Variants in TRIOBP observed in about 807,000 individuals in gnomAD.
The protein encoded by TRIOBP is TRIO and F-actin-binding protein.
TRIOBP carries 169 observed loss-of-function variants against 238.8 expected under a neutral mutation model. The observed-to-expected ratio is 0.71, with a 90% CI of 0.62 to 0.80. The LOEUF (loss-of-function observed/expected upper bound fraction) is 0.80, where lower values mean the gene tolerates loss of function less well. Among genes scored for constraint, TRIOBP ranks in the 30% least tolerant of loss-of-function variants. The probability of loss-of-function intolerance (pLI) is 0.00; values close to 1 mark genes in which losing one functional copy is unlikely to be tolerated. For synonymous variants in TRIOBP, 1,150 were observed against 1,274.4 expected (o/e 0.90, Z 2.08); for missense variants, 2,838 against 3,122.6 (o/e 0.91, Z 2.17).
At position 37,741,044 on chromosome 22, in the gene TRIOBP, C is replaced by A; in HGVS notation, c.5322+12C>A. On this transcript the variant is annotated intron_variant, in intron 11 of 23. Transcript: ENST00000644935. ...TCAGGTGGCGAAGGGTAGGCTGGCTCCAGTGGGGACTGGAGGGGTGAGGGT... is the reference window on the plus strand; with the variant it reads ...TCAGGTGGCGAAGGGTAGGCTGGCTACAGTGGGGACTGGAGGGGTGAGGGT... 1 of 1,561,432 alleles carries A rather than the reference C, an allele frequency of 6.4e-7. No individual in the cohort carries two copies.
At chr22:37,753,407 C>T (rs1411059776) in intron 12 of TRIOBP, among the ~76,000 whole-genome samples, 1 of 152,026 alleles carries the variant, frequency 6.6e-6, no homozygotes, top group Admixed American at 6.6e-5. Context: ...CCCGAGTAGC[C>T]GGGATTACAG....
intron 2 of TRIOBP, among the ~76,000 whole-genome samples, chr22:37,698,354 CT>C (rs1175913171): frequency 0.058 from 3,374 of 57,770 alleles, 28 homozygotes; most frequent in African/African-American, 0.1. Context: ...CTGCAAGAGC[CT>C]TTTTTTTTTT....
chr22:37,769,518 C>A (rs1926664984), intron 21 of TRIOBP, 143 bp downstream of exon 21: 7 of 793,798 alleles, frequency 8.8e-6, no homozygotes, highest in African/African-American at 1.7e-5. Context: ...GGCTAGAACA[C>A]CTACTGTGCA....
intron 11 of TRIOBP, among the ~76,000 whole-genome samples, chr22:37,746,932 G>C (rs543458254): frequency 7.4e-4 from 113 of 152,280 alleles, no homozygotes; most frequent in Non-Finnish European, 1.2e-3. Context: ...GAAGTGGCCG[G>C]ACCGCCCCAC....
chr22:37,747,799 A>C (rs780273655), intron 11 of TRIOBP, among the ~76,000 whole-genome samples: 4 of 152,218 alleles, frequency 2.6e-5, no homozygotes, highest in Non-Finnish European at 4.4e-5. Flanking sequence ...GGCGAGGTGA[A>C]GTGTCATGCC....
chr22:37,751,745 C>T, intron 11 of TRIOBP, 27 bp from the exon 12 acceptor site: 1 of 1,614,000 alleles, frequency 6.2e-7, no homozygotes. Flanking sequence ...CTGGACCCAA[C>T]TCACCTCCCT....
chr22:37,713,412 G>A lies in TRIOBP; in HGVS notation c.456+1G>A, dbSNP rs1399624591. On this transcript the variant is annotated splice_donor_variant, in intron 5 of 23. Coordinates refer to ENST00000644935, the MANE Select transcript of TRIOBP (RefSeq NM_001039141.3). LOFTEE classifies it high-confidence loss of function. ...TGATACCAGCAACTCGTCCTCTGTGGTGAGCCAGGAGTGGGAGTTTGGGGG... is the reference window on the plus strand; with the variant it reads ...TGATACCAGCAACTCGTCCTCTGTGATGAGCCAGGAGTGGGAGTTTGGGGG... 3 of 1,612,490 alleles carry A rather than the reference G, an allele frequency of 1.9e-6. No homozygotes were observed. The highest frequency in any genetic ancestry group is 1.6e-4 in the Middle Eastern group (1 of 6,062).
intron 12 of TRIOBP, among the ~76,000 whole-genome samples, chr22:37,752,727 C>A (rs1925688010): frequency 6.6e-6 from 1 of 152,214 alleles, no homozygotes; most frequent in South Asian, 2.1e-4. Flanking sequence ...GCCAGTGACC[C>A]CTTCCTGGCC....
chr22:37,766,800 A>G (rs1926517059), intron 18 of TRIOBP, among the ~76,000 whole-genome samples: 1 of 150,986 alleles, frequency 6.6e-6, no homozygotes, highest in Non-Finnish European at 1.5e-5. Flanking sequence ...ATCTCTACTA[A>G]AAATACAAAA....
chr22:37,699,152 AAAAAC>A (rs1291625137), intron 2 of TRIOBP, among the ~76,000 whole-genome samples: 12 of 152,198 alleles, frequency 7.9e-5, no homozygotes, highest in Middle Eastern at 3.2e-3. Context: ...TTCGTCTCAA[AAAAAC>A]AAAACAAAAC....
At chr22:37,731,520 G>A (rs922393721) in intron 7 of TRIOBP, among the ~76,000 whole-genome samples, 5 of 151,336 alleles carry the variant, frequency 3.3e-5, no homozygotes, top group South Asian at 2.1e-4. Context: ...GCAGTGGCGC[G>A]ATCTCAGCTC....
intron 11 of TRIOBP, chr22:37,746,472 C>T (rs760116979): frequency 1.5e-6 from 2 of 1,362,096 alleles, no homozygotes; most frequent in African/African-American, 1.5e-5. Flanking sequence ...AGGGCGACGA[C>T]CCGAGGCAGA....
chr22:37,761,370 C>T (rs1026882529), intron 17 of TRIOBP, among the ~76,000 whole-genome samples: 2 of 152,114 alleles, frequency 1.3e-5, no homozygotes, highest in East Asian at 1.9e-4. Flanking sequence ...AGGAGAATCG[C>T]TTGAACCCGG....
intron 12 of TRIOBP, among the ~76,000 whole-genome samples, chr22:37,754,063 C>T (rs1180958370): frequency 6.6e-6 from 1 of 152,170 alleles, no homozygotes; most frequent in Non-Finnish European, 1.5e-5. Context: ...AAACTTACAG[C>T]TTAGGGCGCT....
At chr22:37,716,564 G>C (rs1233351695) in intron 6 of TRIOBP, among the ~76,000 whole-genome samples, 2 of 150,366 alleles carry the variant, frequency 1.3e-5, no homozygotes, top group Non-Finnish European at 3.0e-5. Context: ...TAAGTACCTG[G>C]GATTACAGGC....
chr22:37,725,116 A>G lies in TRIOBP; in HGVS notation c.2560A>G (p.Thr854Ala). The change falls in exon 7 of 24, where the codon ACA becomes GCA. Residue 854 changes from threonine to alanine, a missense_variant. Physicochemically the swap from Thr to Ala is moderately conservative, Grantham distance 58 (BLOSUM62 0). Transcript: ENST00000644935. ...LRPTCTQRDR[T>A]QSFSFQRDNP... The stretch of plus-strand genomic sequence containing the variant: ...ACCCACTTGTACACAGCGGGACCGC[A>G]CACAGTCCTTTTCCTTTCAACGAGA... 1 of 1,614,116 alleles carries G rather than the reference A, an allele frequency of 6.2e-7. No homozygotes were observed. The highest frequency in any genetic ancestry group is 8.5e-7 in the Non-Finnish European group (1 of 1,179,996).
At chr22:37,703,749 C>T (rs1922783810) in intron 3 of TRIOBP, among the ~76,000 whole-genome samples, 1 of 151,176 alleles carries the variant, frequency 6.6e-6, no homozygotes, top group South Asian at 2.1e-4. Flanking sequence ...TCGTTATTCG[C>T]CCACCTCGAC....
chr22:37,699,076 G>C (rs1922507513), intron 2 of TRIOBP, among the ~76,000 whole-genome samples: 1 of 152,066 alleles, frequency 6.6e-6, no homozygotes, highest in Non-Finnish European at 1.5e-5. Context: ...AGGAGGCGGA[G>C]GTTGCAGTGA....
chr22:37,746,849 G>T (rs903871879), intron 11 of TRIOBP, among the ~76,000 whole-genome samples: 1 of 149,824 alleles, frequency 6.7e-6, no homozygotes, highest in Non-Finnish European at 1.5e-5. Context: ...CGTGGGTGCG[G>T]ATGGGTCGCG....
Sources: gnomAD v4.1 joint callset for allele counts (sites outside exome capture counted in the v4.1 genomes callset) on GRCh38, gnomAD v4.1.1 for gene constraint, MANE v1.5 for transcripts, NCBI Gene and HGNC (gene_info 2026-07-23, HGNC 2026-07-21) for gene names.